Variants in HNRNPR observed in about 807,000 individuals in gnomAD.
HNRNPR encodes the protein heterogeneous nuclear ribonucleoprotein R.
In HNRNPR, 4 loss-of-function variants were observed where a neutral mutation model predicts 70.3. The observed-to-expected ratio is 0.06, with a 90% CI of 0.03 to 0.13. The LOEUF (loss-of-function observed/expected upper bound fraction) is 0.13. Among genes scored for constraint, HNRNPR ranks in the 10% least tolerant of loss-of-function variants. The pLI, the probability that HNRNPR is intolerant of heterozygous loss-of-function variation, is 1.00. For missense variants in HNRNPR, 423 were observed against 788.5 expected (o/e 0.54, Z 5.55); for synonymous variants, 241 against 267.6 (o/e 0.90, Z 0.97).
chr1:23,312,504 A>G (rs541055204), intron 9 of HNRNPR, among the ~76,000 whole-genome samples: 3 of 152,352 alleles, frequency 2.0e-5, no homozygotes, highest in Admixed American at 6.5e-5. Context: ...TTCAGAAGCC[A>G]CAAATGAACG....
intron 2 of HNRNPR, among the ~76,000 whole-genome samples, chr1:23,338,988 T>C (rs889397062): frequency 5.9e-5 from 9 of 152,200 alleles, no homozygotes; most frequent in African/African-American, 9.7e-5. Context: ...TAAGAATACA[T>C]TGCGTTTTCC....
chr1:23,343,712 A>G (rs959350491), intron 1 of HNRNPR, among the ~76,000 whole-genome samples: 1 of 152,186 alleles, frequency 6.6e-6, no homozygotes, highest in Non-Finnish European at 1.5e-5. Flanking sequence ...TGCTCACACA[A>G]AACTTTTCTC....
rs569167988 is a variant in HNRNPR at position 23,306,656 on chromosome 1, T to C, written c.*3798A>G. 6.6e-5 allele frequency: 10 copies of C among 152,066 alleles called. No homozygotes were observed. Among genetic ancestry groups the C allele is most frequent in the South Asian group, 6.2e-4 (3 of 4,812 alleles). 9.4% of individuals were successfully genotyped at this position (152,066 alleles called of 1,614,324 possible). A position where few individuals can be genotyped will look rare whatever the true frequency, so the allele number is the denominator to read the frequency against. On this transcript the variant is annotated 3_prime_UTR_variant, in exon 11 of 11. Transcript: ENST00000302271. ...GGTAACCTCTAAATAAAAAAGTATA[T>C]ATATGTACTTTTATTTAAAGAAAAA... is the stretch of plus-strand genomic sequence containing the variant.
chr1:23,320,887 C>T (rs941849780), intron 7 of HNRNPR, among the ~76,000 whole-genome samples: 20 of 152,102 alleles, frequency 1.3e-4, no homozygotes, highest in African/African-American at 4.6e-4. Flanking sequence ...ATCTGATCAG[C>T]CAGGCACTGT....
At chr1:23,335,026 T>C (rs1310369686) in intron 4 of HNRNPR, among the ~76,000 whole-genome samples, 13 of 152,054 alleles carry the variant, frequency 8.5e-5, no homozygotes, top group Admixed American at 7.9e-4. Context: ...CACGCCATTC[T>C]CCTGCCTCAG....
chr1:23,307,991 AT>A lies in HNRNPR; in HGVS notation c.*2462del, dbSNP rs1645229455. 2 of 151,872 alleles carry A rather than the reference AT, an allele frequency of 1.3e-5. 1 individual carries two copies. The highest frequency in any genetic ancestry group is 1.3e-4 in the Admixed American group (2 of 15,258). 9.4% of individuals were successfully genotyped at this position (151,872 alleles called of 1,614,324 possible). A position where few individuals can be genotyped will look rare whatever the true frequency, so the allele number is the denominator to read the frequency against. On this transcript the variant is annotated 3_prime_UTR_variant, in exon 11 of 11. Coordinates refer to ENST00000302271, the MANE Select transcript of HNRNPR (RefSeq NM_005826.5). ...TCAGGTTTATATATTACACTGTTAG[AT>A]TTATTTATGTGAAAAGTTGAGCTCT...
chr1:23,337,062 A>T (rs1047938025), intron 4 of HNRNPR, among the ~76,000 whole-genome samples: 5 of 152,208 alleles, frequency 3.3e-5, no homozygotes, highest in Non-Finnish European at 7.3e-5. Flanking sequence ...AACTGAGGTA[A>T]CTGAATATTC....
rs1320620830 is a variant in HNRNPR, at chr1:23,305,611, C to T, written c.*4843G>A. On this transcript the variant is annotated 3_prime_UTR_variant, in exon 11 of 11. Coordinates refer to ENST00000302271, the MANE Select transcript of HNRNPR (RefSeq NM_005826.5). ...TTTTTATATGGTATGGTCAGAAATG[C>T]CTAGTTACTAAATTTAATTTCAATC... 4 of 152,074 alleles carry T rather than the reference C, an allele frequency of 2.6e-5. No individual in the cohort carries two copies. Among genetic ancestry groups the T allele is most frequent in the Non-Finnish European group, 4.4e-5 (3 of 67,992 alleles). 9.4% of individuals were successfully genotyped at this position (152,074 alleles called of 1,614,324 possible). A position where few individuals can be genotyped will look rare whatever the true frequency, so the allele number is the denominator to read the frequency against.
intron 6 of HNRNPR, among the ~76,000 whole-genome samples, chr1:23,322,296 C>G (rs958287091): frequency 6.6e-6 from 1 of 151,750 alleles, no homozygotes; most frequent in Non-Finnish European, 1.5e-5. Context: ...AGGGCAGTAG[C>G]ATGATCTTTG....
Position 23,323,730 on chromosome 1 carries a change from T to C in HNRNPR, c.501A>G (p.Val167=), listed in dbSNP as rs747280521. ...SGVQPGIGTE[V]FVGKIPRDLY... ...AATCCCTTGGTATTTTGCCTACAAA[T>C]ACCTGAAATAAAACCCCCTTATTAG... is the stretch of plus-strand genomic sequence containing the variant. Residue 167 remains valine (V), a splice_region_variant and synonymous_variant, in exon 6 of 11, where the codon GTA becomes GTG. Transcript: ENST00000302271. 1.1e-5 allele frequency: 17 copies of C among 1,613,402 alleles called. No individual in the cohort carries two copies. Among genetic ancestry groups the C allele is most frequent in the Non-Finnish European group, 1.4e-5 (17 of 1,179,474 alleles).
At chr1:23,331,961 G>A (rs1181429088) in intron 5 of HNRNPR, among the ~76,000 whole-genome samples, 2 of 148,718 alleles carry the variant, frequency 1.3e-5, no homozygotes, top group South Asian at 2.2e-4. Context: ...GCGCAACCCC[G>A]TCTCCACTAC....
intron 3 of HNRNPR, 36 bp downstream of exon 3, chr1:23,338,454 T>C (rs1270361871): frequency 2.5e-6 from 2 of 803,358 alleles, no homozygotes; most frequent in Non-Finnish European, 3.9e-6. Flanking sequence ...TTCAGATTAC[T>C]AATTGTTCAA....
In HNRNPR at chr1:23,308,491, T is replaced by C. The variant is rs1374715159; in HGVS notation, c.*1963A>G. 8.5e-5 allele frequency: 13 copies of C among 152,098 alleles called. No homozygotes were observed. 9.4% of individuals were successfully genotyped at this position (152,098 alleles called of 1,614,324 possible). A position where few individuals can be genotyped will look rare whatever the true frequency, so the allele number is the denominator to read the frequency against. On this transcript the variant is annotated 3_prime_UTR_variant, in exon 11 of 11. Coordinates refer to ENST00000302271, the MANE Select transcript of HNRNPR (RefSeq NM_005826.5). ...AACTTCAAATTGTACTTTCAAAGTTTAAAAGCAGCATTTAAAGAATGTTTG... is the reference window on the plus strand; with the variant it reads ...AACTTCAAATTGTACTTTCAAAGTTCAAAAGCAGCATTTAAAGAATGTTTG...
At chr1:23,337,663 A>C (rs1020884052) in intron 4 of HNRNPR, 91 bp downstream of exon 4, 1 of 867,800 alleles carries the variant, frequency 1.2e-6, no homozygotes, top group African/African-American at 1.8e-5. Context: ...TCAAAAAAAA[A>C]AAAAGTGAAA....
chr1:23,327,621 T>C (rs1317707834), intron 5 of HNRNPR, among the ~76,000 whole-genome samples: 3 of 151,982 alleles, frequency 2.0e-5, no homozygotes, highest in African/African-American at 7.3e-5. Context: ...ACCAGGAAGG[T>C]GGAGGTTGCA....
rs548301623 is a variant in HNRNPR, at chr1:23,335,945, G to A, written c.384+1809C>T. Among the ~76,000 whole-genome samples, 14 of 147,326 alleles carry A rather than the reference G, an allele frequency of 9.5e-5. No individual in the cohort carries two copies. The East Asian group carries it at 1.0e-3, about 11-fold the overall frequency. ...ATCCCGGCTAAAATGGTGAAACCCC[G>A]TCTCTACTAAAAATACAAAAAATTA... On this transcript the variant is annotated intron_variant, in intron 4 of 10. Coordinates refer to ENST00000302271, the MANE Select transcript of HNRNPR (RefSeq NM_005826.5).
chr1:23,323,010 A>G (rs529745750), intron 6 of HNRNPR, among the ~76,000 whole-genome samples: 1 of 152,350 alleles, frequency 6.6e-6, no homozygotes, highest in East Asian at 1.9e-4. Flanking sequence ...GAGAGGAGAG[A>G]AAGATTAAAG....
At chr1:23,333,749 G>A in intron 4 of HNRNPR, 118 bp from the exon 5 acceptor site, 8 of 566,768 alleles carry the variant, frequency 1.4e-5, no homozygotes, top group South Asian at 2.8e-5. Context: ...TTTATGGTTA[G>A]GTAAAAAAAA....
In HNRNPR at chr1:23,326,662, G is replaced by A. The variant is rs1645988341; in HGVS notation, c.499-2930C>T. ...TGGCCAGGCATGGTGGCAGGCACCT[G>A]TAATTCCAGCCACTCGGGAGGCTGA... On this transcript the variant is annotated intron_variant, in intron 5 of 10. Coordinates refer to ENST00000302271, the MANE Select transcript of HNRNPR (RefSeq NM_005826.5). Among the ~76,000 whole-genome samples, 3 of 152,162 alleles carry A rather than the reference G, an allele frequency of 2.0e-5. No homozygotes were observed. The South Asian group carries it at 6.2e-4, about 32-fold the overall frequency.
Sources: gnomAD v4.1 joint callset for allele counts (sites outside exome capture counted in the v4.1 genomes callset) on GRCh38, gnomAD v4.1.1 for gene constraint, MANE v1.5 for transcripts, NCBI Gene and HGNC (gene_info 2026-07-23, HGNC 2026-07-21) for gene names.